The following DGKI variants were observed in gnomAD, a reference collection of about 807,000 sequenced individuals.
The protein encoded by DGKI is diacylglycerol kinase iota.
A neutral mutation model predicts 147.5 loss-of-function variants in DGKI; 55 were observed. That is an observed-to-expected ratio of 0.37 (90% confidence interval 0.30 to 0.47). DGKI has a LOEUF of 0.47. DGKI is among the 20% of genes least tolerant of loss of function. The pLI, the probability that DGKI is intolerant of heterozygous loss-of-function variation, is 1.00. For missense variants in DGKI, 1,007 were observed against 1,323.8 expected, an observed-to-expected ratio of 0.76 and a Z score of 3.71; for synonymous variants, 469 against 477.1, an observed-to-expected ratio of 0.98 and a Z score of 0.22.
At chr7:137,577,380 T>G (rs1281540954) in intron 16 of DGKI, 96 bp from the exon 17 acceptor site, 3 of 870,220 alleles carry the variant, frequency 3.4e-6, no homozygotes, top group South Asian at 1.6e-5. Flanking sequence ...TTCCAAAGTA[T>G]GCAAAAATTC....
intron 1 of DGKI, among the ~76,000 whole-genome samples, chr7:137,805,885 C>T (rs1455098936): frequency 6.6e-6 from 1 of 152,202 alleles, no homozygotes; most frequent in Non-Finnish European, 1.5e-5. Flanking sequence ...TACAGGTCAG[C>T]CAAGGCTAAG....
rs1263965853 is a variant in DGKI at position 137,603,851 on chromosome 7, CAG to C, written c.1168-3948_1168-3947del. ...CTGTTCACTTTTCTGAACCATGAGA[CAG>C]GGAGTTGCGAGAGAGGAGACAGCTG... is the stretch of plus-strand genomic sequence containing the variant. On this transcript the variant is annotated intron_variant, in intron 10 of 32. Transcript: ENST00000614521. Among the ~76,000 whole-genome samples the C allele has an allele frequency of 9.2e-5, 14 of 152,312 alleles. 1 individual carries two copies. In the South Asian group the frequency reaches 2.9e-3, roughly 32 times the overall value.
chr7:137,653,647 C>T (rs1013168475), intron 5 of DGKI, among the ~76,000 whole-genome samples: 1 of 152,198 alleles, frequency 6.6e-6, no homozygotes, highest in Admixed American at 6.5e-5. Context: ...CCGCCTCTTC[C>T]AGGAAGCCCC....
chr7:137,419,751 G>C (rs1812489138), intron 28 of DGKI, among the ~76,000 whole-genome samples: 1 of 152,110 alleles, frequency 6.6e-6, no homozygotes, highest in African/African-American at 2.4e-5. Context: ...AATTTCTAAA[G>C]ACCTCTGCAT....
intron 1 of DGKI, among the ~76,000 whole-genome samples, chr7:137,760,627 C>T (rs777558222): frequency 1.3e-5 from 2 of 152,148 alleles, no homozygotes; most frequent in Non-Finnish European, 2.9e-5. Flanking sequence ...TCTACACAGG[C>T]TCCAGAAATG....
rs565433146 is a variant in DGKI at position 137,557,091 on chromosome 7, C to G, written c.1948-4523G>C. 3.3e-5 allele frequency among the ~76,000 whole-genome samples: 5 copies of G among 152,218 alleles called. No individual in the cohort carries two copies. In the South Asian group the frequency reaches 1.0e-3, roughly 32 times the overall value. ...CTGGGTCTCTAGCCTGTCAGCCTAC[C>G]CTGCAAATTGGTGCAAATTGGGACT... On this transcript the variant is annotated intron_variant, in intron 19 of 32. Coordinates refer to ENST00000614521, the MANE Select transcript of DGKI (RefSeq NM_001321708.2).
At chr7:137,664,859 G>C (rs939777279) in intron 3 of DGKI, among the ~76,000 whole-genome samples, 10 of 152,188 alleles carry the variant, frequency 6.6e-5, no homozygotes, top group Non-Finnish European at 1.3e-4. Context: ...AAATTAAAGA[G>C]AGAAAGGGAG....
chr7:137,605,606 T>C (rs1820158580), intron 10 of DGKI, among the ~76,000 whole-genome samples: 1 of 152,128 alleles, frequency 6.6e-6, no homozygotes, highest in Admixed American at 6.5e-5. Context: ...TATATATACA[T>C]AATAAAATAC....
At chr7:137,493,055 G>C (rs1815827659) in intron 21 of DGKI, among the ~76,000 whole-genome samples, 1 of 152,114 alleles carries the variant, frequency 6.6e-6, no homozygotes, top group South Asian at 2.1e-4. Flanking sequence ...TGTGCCAGCA[G>C]ACCTTGCCTA....
chr7:137,426,101 A>G (rs1812792039), intron 28 of DGKI, among the ~76,000 whole-genome samples: 2 of 152,202 alleles, frequency 1.3e-5, no homozygotes, highest in Admixed American at 1.3e-4. Context: ...TAATTGTCAG[A>G]TTCACCGAAG....
chr7:137,537,832 A>C (rs1260777402), intron 20 of DGKI, among the ~76,000 whole-genome samples: 2 of 152,174 alleles, frequency 1.3e-5, no homozygotes, highest in Non-Finnish European at 2.9e-5. Flanking sequence ...ATAGTTTACA[A>C]AGGCATGCAT....
At chr7:137,626,135 T>C (rs1423512537) in intron 6 of DGKI, among the ~76,000 whole-genome samples, 1 of 152,114 alleles carries the variant, frequency 6.6e-6, no homozygotes, top group African/African-American at 2.4e-5. Context: ...CTTTGCATCC[T>C]TGTGTTGTAA....
chr7:137,464,731 A>G (rs2128925875), intron 26 of DGKI, among the ~76,000 whole-genome samples: 1 of 152,326 alleles, frequency 6.6e-6, no homozygotes, highest in African/African-American at 2.4e-5. Context: ...AAAAAAAGTG[A>G]AAAAAAGTAA....
intron 1 of DGKI, among the ~76,000 whole-genome samples, chr7:137,804,309 T>C (rs767407325): frequency 8.5e-5 from 13 of 152,172 alleles, no homozygotes; most frequent in Admixed American, 2.6e-4. Flanking sequence ...TTTACAATTA[T>C]TGAAAAGAGA....
intron 3 of DGKI, among the ~76,000 whole-genome samples, chr7:137,672,142 A>G (rs527834490): frequency 5.3e-5 from 8 of 152,040 alleles, no homozygotes; most frequent in Admixed American, 2.6e-4. Flanking sequence ...ATACCACTCA[A>G]CCTAAACACT....
chr7:137,534,630 T>C (rs938605646), intron 20 of DGKI, among the ~76,000 whole-genome samples: 1 of 152,086 alleles, frequency 6.6e-6, no homozygotes, highest in Non-Finnish European at 1.5e-5. Context: ...GGTAATGTTC[T>C]TCAGCTCTCT....
intron 1 of DGKI, among the ~76,000 whole-genome samples, chr7:137,808,880 G>A (rs1040572466): frequency 6.6e-6 from 1 of 152,194 alleles, no homozygotes; most frequent in Non-Finnish European, 1.5e-5. Flanking sequence ...GGCAACATTA[G>A]AGGTTCTAGC....
At chr7:137,446,913 AC>A (rs1813739582) in intron 27 of DGKI, among the ~76,000 whole-genome samples, 1 of 152,156 alleles carries the variant, frequency 6.6e-6, no homozygotes, top group South Asian at 2.1e-4. Context: ...TTTTCACCAC[AC>A]CTGAAAGACA....
At chr7:137,563,210 T>C (rs929438008) in intron 19 of DGKI, among the ~76,000 whole-genome samples, 1 of 151,972 alleles carries the variant, frequency 6.6e-6, no homozygotes. Context: ...CACCACTCAT[T>C]TGTGATCAAA....
Sources: gnomAD v4.1 joint callset for allele counts (sites outside exome capture counted in the v4.1 genomes callset) on GRCh38, gnomAD v4.1.1 for gene constraint, MANE v1.5 for transcripts, NCBI Gene and HGNC (gene_info 2026-07-23, HGNC 2026-07-21) for gene names.